The following JAKMIP2 variants were observed in gnomAD, a reference collection of about 807,000 sequenced individuals.
JAKMIP2 encodes janus kinase and microtubule-interacting protein 2.
In JAKMIP2, 25 loss-of-function variants were observed where a neutral mutation model predicts 115.0. The observed-to-expected ratio is 0.22, with a 90% confidence interval of 0.16 to 0.30. The LOEUF (loss-of-function observed/expected upper bound fraction) is 0.30, where lower values mean the gene tolerates loss of function less well. Ranked by LOEUF, JAKMIP2 falls within the 10% of genes least tolerant of loss-of-function variation. JAKMIP2 has a pLI of 1.00. For synonymous variants in JAKMIP2, 334 were observed against 343.6 expected (o/e 0.97, Z 0.31); for missense variants, 642 against 957.6 (o/e 0.67, Z 4.35).
intron 5 of JAKMIP2, among the ~76,000 whole-genome samples, chr5:147,645,654 T>C (rs2126731269): frequency 6.6e-6 from 1 of 152,320 alleles, no homozygotes; most frequent in South Asian, 2.1e-4. Flanking sequence ...TACTCTCATT[T>C]GCTTGGTTAG....
At chr5:147,732,883 C>CTAACACCA (rs1216694854) in intron 1 of JAKMIP2, among the ~76,000 whole-genome samples, 2 of 152,158 alleles carry the variant, frequency 1.3e-5, no homozygotes, top group Non-Finnish European at 2.9e-5. Flanking sequence ...TCTGAAATAT[C>CTAACACCA]TAACACCATT....
In JAKMIP2 at chr5:147,747,177, G is replaced by A. The variant is rs978986065; in HGVS notation, c.-149+35279C>T. Among the ~76,000 whole-genome samples, 11 of 151,936 alleles carry A rather than the reference G, an allele frequency of 7.2e-5. No homozygotes were observed. In the South Asian group the frequency reaches 1.5e-3, roughly 20 times the overall value. ...TTCCTTTAAACTTTGGCAGTGCCACGGTGCAACCAGAGAAGGCTGACCAGT... is the reference window on the plus strand; with the variant it reads ...TTCCTTTAAACTTTGGCAGTGCCACAGTGCAACCAGAGAAGGCTGACCAGT... On this transcript the variant is annotated intron_variant, in intron 1 of 21. Transcript: ENST00000616793.
At chr5:147,595,378 T>G (rs1317199744) in intron 21 of JAKMIP2, 2 of 453,136 alleles carry the variant, frequency 4.4e-6, no homozygotes, top group East Asian at 1.4e-4. Flanking sequence ...TGGAGAGAAC[T>G]AACTTAGGCT....
intron 1 of JAKMIP2, among the ~76,000 whole-genome samples, chr5:147,721,710 G>T (rs1035076676): frequency 6.6e-6 from 1 of 151,952 alleles, no homozygotes; most frequent in Non-Finnish European, 1.5e-5. Flanking sequence ...GCTTCGGCTC[G>T]CGCACGGTGC....
At chr5:147,684,106 A>C (rs1760452563) in intron 1 of JAKMIP2, among the ~76,000 whole-genome samples, 1 of 152,164 alleles carries the variant, frequency 6.6e-6, no homozygotes, top group Admixed American at 6.5e-5. Context: ...TCTTAAAAGC[A>C]AGACCGTTAG....
At chr5:147,686,341 G>A (rs1243261452) in intron 1 of JAKMIP2, among the ~76,000 whole-genome samples, 1 of 151,984 alleles carries the variant, frequency 6.6e-6, no homozygotes, top group Non-Finnish European at 1.5e-5. Context: ...TTGGTGGGGG[G>A]GCACTGTTTT....
intron 3 of JAKMIP2, 23 bp from the exon 4 acceptor site, chr5:147,650,570 C>T (rs781022064): frequency 1.9e-6 from 3 of 1,556,164 alleles, no homozygotes; most frequent in South Asian, 1.1e-5. Context: ...AGACCCAGGA[C>T]ATTTTATTTA....
At chr5:147,602,607 A>G (rs1404849493) in intron 20 of JAKMIP2, among the ~76,000 whole-genome samples, 1 of 152,218 alleles carries the variant, frequency 6.6e-6, no homozygotes, top group African/African-American at 2.4e-5. Flanking sequence ...AGAAACAGAT[A>G]ATTGGATGGA....
chr5:147,760,454 G>GA (rs1754893964), intron 1 of JAKMIP2, among the ~76,000 whole-genome samples: 2 of 149,820 alleles, frequency 1.3e-5, no homozygotes, highest in Non-Finnish European at 3.0e-5. Context: ...ACCATGAAGG[G>GA]AAAGCCATTA....
intron 3 of JAKMIP2, among the ~76,000 whole-genome samples, chr5:147,657,801 C>A (rs558391573): frequency 6.6e-6 from 1 of 151,802 alleles, no homozygotes; most frequent in Non-Finnish European, 1.5e-5. Flanking sequence ...ATTTGGCTAT[C>A]GATACTTGTG....
chr5:147,590,449 A>G lies in JAKMIP2; in HGVS notation c.*1258T>C, dbSNP rs1296876940. The G allele has an allele frequency of 6.6e-6, 1 of 152,202 alleles. No individual in the cohort carries two copies. The highest frequency in any genetic ancestry group is 1.5e-5 in the Non-Finnish European group (1 of 68,034). 9.4% of individuals were successfully genotyped at this position (152,202 alleles called of 1,614,324 possible). A position where few individuals can be genotyped will look rare whatever the true frequency, so the allele number is the denominator to read the frequency against. Reference sequence around the variant, plus strand: ...GGTAGAAAATGACCTTGTCAGTAACATAATGTTATTTCCATATAAAAAAGT... The same window carrying G: ...GGTAGAAAATGACCTTGTCAGTAACGTAATGTTATTTCCATATAAAAAAGT... On this transcript the variant is annotated 3_prime_UTR_variant, in exon 22 of 22. Coordinates refer to ENST00000616793, the MANE Select transcript of JAKMIP2 (RefSeq NM_001270941.2).
chr5:147,698,346 G>A (rs1580798962), intron 1 of JAKMIP2, among the ~76,000 whole-genome samples: 1 of 152,268 alleles, frequency 6.6e-6, no homozygotes, highest in East Asian at 1.9e-4. Flanking sequence ...TGTCTCAGAT[G>A]AGACTTTGGA....
chr5:147,672,919 T>C (rs1209079368), intron 1 of JAKMIP2, among the ~76,000 whole-genome samples: 1 of 152,156 alleles, frequency 6.6e-6, no homozygotes, highest in Admixed American at 6.5e-5. Flanking sequence ...AAAGGTTTCC[T>C]GGAAAGGATA....
At chr5:147,658,865 G>A (rs778939760) in intron 3 of JAKMIP2, among the ~76,000 whole-genome samples, 4 of 151,988 alleles carry the variant, frequency 2.6e-5, no homozygotes, top group Non-Finnish European at 4.4e-5. Flanking sequence ...CAGTAATGAC[G>A]GTCACTCCTC....
intron 1 of JAKMIP2, among the ~76,000 whole-genome samples, chr5:147,761,865 ATAT>A (rs1188641998): frequency 7.2e-5 from 11 of 152,208 alleles, no homozygotes; most frequent in Admixed American, 2.6e-4. Context: ...ACATTTAATG[ATAT>A]TATAAGCATG....
In JAKMIP2 at chr5:147,586,795, G is replaced by A. The variant is rs1220550622; in HGVS notation, c.*4912C>T. 1.0e-4 allele frequency: 10 copies of A among 98,566 alleles called. No homozygotes were observed. The highest frequency in any genetic ancestry group is 4.1e-4 in the African/African-American group (10 of 24,486). 6.1% of individuals were successfully genotyped at this position (98,566 alleles called of 1,614,324 possible). On this transcript the variant is annotated 3_prime_UTR_variant, in exon 22 of 22. Coordinates refer to ENST00000616793, the MANE Select transcript of JAKMIP2 (RefSeq NM_001270941.2). Reference sequence around the variant, plus strand: ...TTTTTTTGAGATGAGGTCTCACCATGTTGCCCAGGCCGTTATGAAACTCCT... The same window carrying A: ...TTTTTTTGAGATGAGGTCTCACCATATTGCCCAGGCCGTTATGAAACTCCT...
intron 1 of JAKMIP2, among the ~76,000 whole-genome samples, chr5:147,738,799 G>T (rs568564279): frequency 1.3e-5 from 2 of 152,198 alleles, no homozygotes; most frequent in Admixed American, 1.3e-4. Context: ...TGATAAAGGT[G>T]GCAGCTACCT....
chr5:147,682,689 C>T lies in JAKMIP2; in HGVS notation c.-148-10735G>A, dbSNP rs142653331. ...TGAATGACATATTTTGTAATTTCTACAGAGACCATTTATAATAAGCTTTAT... is the reference window on the plus strand; with the variant it reads ...TGAATGACATATTTTGTAATTTCTATAGAGACCATTTATAATAAGCTTTAT... On this transcript the variant is annotated intron_variant, in intron 1 of 21. Coordinates refer to ENST00000616793, the MANE Select transcript of JAKMIP2 (RefSeq NM_001270941.2). 7.3e-4 allele frequency among the ~76,000 whole-genome samples: 111 copies of T among 152,304 alleles called. 1 individual carries two copies. The Middle Eastern group carries it at 0.024, about 33-fold the overall frequency.
chr5:147,623,759 G>T, intron 16 of JAKMIP2, 70 bp from the exon 17 acceptor site: 1 of 924,462 alleles, frequency 1.1e-6, no homozygotes, highest in Non-Finnish European at 1.8e-6. Flanking sequence ...GTGCCCCCAT[G>T]AGGTGCTCCG....
Sources: gnomAD v4.1 joint callset for allele counts (sites outside exome capture counted in the v4.1 genomes callset) on GRCh38, gnomAD v4.1.1 for gene constraint, MANE v1.5 for transcripts, NCBI Gene and HGNC (gene_info 2026-07-23, HGNC 2026-07-21) for gene names.